DYNC2H1: variants seen among roughly 807,000 people sequenced by gnomAD.
The protein encoded by DYNC2H1 is cytoplasmic dynein 2 heavy chain 1.
In DYNC2H1, 410 loss-of-function variants were observed where a neutral mutation model predicts 570.0. The ratio of observed to expected loss-of-function variants is 0.72; its 90% CI spans 0.66 to 0.78. The LOEUF (loss-of-function observed/expected upper bound fraction) is 0.78. DYNC2H1 is among the 30% of genes least tolerant of loss of function. The probability of loss-of-function intolerance (pLI) is 0.00; values close to 1 mark genes in which losing one functional copy is unlikely to be tolerated. For synonymous variants in DYNC2H1, 1,688 were observed against 1,677.6 expected, an observed-to-expected ratio of 1.01 and a Z score of -0.15; for missense variants, 4,865 against 5,046.4, an observed-to-expected ratio of 0.96 and a Z score of 1.09.
intron 84 of DYNC2H1, among the ~76,000 whole-genome samples, chr11:103,422,319 G>A (rs667417): frequency 0.56 from 84,436 of 152,018 alleles, 24,082 homozygotes; most frequent in East Asian, 0.72. Flanking sequence ...GAAAAGGAAA[G>A]ACTCTTCCCT....
intron 84 of DYNC2H1, chr11:103,407,274 G>A (rs992345299): frequency 6.6e-6 from 1 of 151,794 alleles, no homozygotes; most frequent in African/African-American, 2.4e-5. Context: ...GCATTTTCAG[G>A]GTATGGGCCT....
rs753177918 is a variant in DYNC2H1 at position 103,121,439 on chromosome 11, C to G, written c.1428C>G (p.Gly476=). The G allele has an allele frequency of 6.2e-7, 1 of 1,613,338 alleles. No individual in the cohort carries two copies. Among genetic ancestry groups the G allele is most frequent in the Non-Finnish European group, 8.5e-7 (1 of 1,179,588 alleles). ...GTGATGCATCTGGACCACTTTCTGG[C>G]AAAAATCTTTCAGAAGTTGTCAACA... is the stretch of plus-strand genomic sequence containing the variant. ...IPGDASGPLS[G]KNLSEVVNSI... is the part of the protein sequence containing the mutation. The change falls in exon 10 of 89, where the codon GGC becomes GGG. Residue 476 remains glycine (G), a synonymous_variant. Transcript: ENST00000375735.
At chr11:103,456,219 C>A (rs1464354045) in intron 86 of DYNC2H1, 56 bp from the exon 87 acceptor site, 7 of 1,360,450 alleles carry the variant, frequency 5.1e-6, no homozygotes, top group Non-Finnish European at 7.1e-6. Flanking sequence ...AGTTACTCTT[C>A]ATATTTTAAT....
At chr11:103,348,630 C>G (rs1939880653) in intron 82 of DYNC2H1, among the ~76,000 whole-genome samples, 1 of 152,102 alleles carries the variant, frequency 6.6e-6, no homozygotes, top group South Asian at 2.1e-4. Context: ...ATATTAGGAG[C>G]TTTTCCTTTT....
Position 103,477,253 on chromosome 11 carries a change from C to T in DYNC2H1, c.12766-1842C>T, listed in dbSNP as rs1945579948. Among the ~76,000 whole-genome samples the T allele has an allele frequency of 5.9e-5, 9 of 152,272 alleles. No individual in the cohort carries two copies. The South Asian group carries it at 1.9e-3, about 32-fold the overall frequency. ...TTCATATACTAGAGTGTTTTGTCAACTGTAGTATCTGTGACAACTTTGCCA... is the reference window on the plus strand; with the variant it reads ...TTCATATACTAGAGTGTTTTGTCAATTGTAGTATCTGTGACAACTTTGCCA... On this transcript the variant is annotated intron_variant, in intron 88 of 88. Transcript: ENST00000375735.
At chr11:103,119,705 A>G (rs1179733725) in intron 6 of DYNC2H1, among the ~76,000 whole-genome samples, 2 of 152,116 alleles carry the variant, frequency 1.3e-5, no homozygotes, top group East Asian at 1.9e-4. Context: ...CATGTTGTAC[A>G]TTTTATGTCT....
chr11:103,320,643 A>T (rs1180766461), intron 80 of DYNC2H1, among the ~76,000 whole-genome samples: 3 of 152,334 alleles, frequency 2.0e-5, no homozygotes, highest in African/African-American at 7.2e-5. Flanking sequence ...CAATTTAAGT[A>T]GCCAGGATTG....
Position 103,479,124 on chromosome 11 carries a change from G to C in DYNC2H1, c.12795G>C (p.Glu4265Asp), listed in dbSNP as rs1339553669. The C allele has an allele frequency of 6.2e-7, 1 of 1,613,600 alleles. No individual in the cohort carries two copies. The highest frequency in any genetic ancestry group is 1.3e-5 in the African/African-American group (1 of 74,864). The change falls in exon 89 of 89, where the codon GAG becomes GAC. Residue 4265 changes from glutamate (E) to aspartate (D), a missense_variant. Glu to Asp is a conservative substitution (Grantham distance 45). This residue lies in a region of DYNC2H1 where 2,401 missense variants were observed against 2,454.6 expected (regional missense o/e 0.98). Transcript: ENST00000375735. ...CATGTGGTCCATATTCTCCGGATGA[G>C]TGCATCTCTTTGCCTGTTTACACAA... is the stretch of plus-strand genomic sequence containing the variant. ...QDACGPYSPD[E>D]CISLPVYTSA...
chr11:103,310,401 G>A (rs910822473), intron 78 of DYNC2H1, among the ~76,000 whole-genome samples: 5 of 151,922 alleles, frequency 3.3e-5, no homozygotes, highest in Admixed American at 6.6e-5. Flanking sequence ...TGGCATATTA[G>A]TATTTTTGTT....
chr11:103,426,525 T>TTTA lies in DYNC2H1; in HGVS notation c.12367-9415_12367-9413dup, dbSNP rs569581405. The stretch of plus-strand genomic sequence containing the variant: ...ATTGTCAATAATTTTTAGTTATATT[T>TTTA]TTATTTTACCCTATACAAGTTTAAA... On this transcript the variant is annotated intron_variant, in intron 84 of 88. Coordinates refer to ENST00000375735, the MANE Select transcript of DYNC2H1 (RefSeq NM_001377.3). Among the ~76,000 whole-genome samples the TTTA allele has an allele frequency of 1.5e-3, 227 of 152,348 alleles. 1 individual carries two copies. The highest frequency in any genetic ancestry group is 4.9e-3 in the African/African-American group (204 of 41,580).
In DYNC2H1 at chr11:103,135,479, G is replaced by C. The variant is rs754628541; in HGVS notation, c.2206-16G>C. 1.3e-6 allele frequency: 2 copies of C among 1,486,894 alleles called. No homozygotes were observed. Among genetic ancestry groups the C allele is most frequent in the Admixed American group, 5.0e-5 (2 of 40,196 alleles). The allele number at this position is 1,486,894 out of a possible 1,614,324, so 92.1% of individuals were successfully genotyped here. On this transcript the variant is annotated splice_polypyrimidine_tract_variant and intron_variant, in intron 15 of 88. Coordinates refer to ENST00000375735, the MANE Select transcript of DYNC2H1 (RefSeq NM_001377.3). Reference sequence around the variant, plus strand: ...TGCCTAATTTTTAAATTAAAAATGTGAATGTAACATATTAGGGATTCCAAG... The same window carrying C: ...TGCCTAATTTTTAAATTAAAAATGTCAATGTAACATATTAGGGATTCCAAG...
At chr11:103,412,259 G>A (rs2135690179) in intron 84 of DYNC2H1, among the ~76,000 whole-genome samples, 1 of 152,192 alleles carries the variant, frequency 6.6e-6, no homozygotes, top group Non-Finnish European at 1.5e-5. Context: ...TACTATGTGT[G>A]ACACGATTGG....
intron 70 of DYNC2H1, among the ~76,000 whole-genome samples, chr11:103,274,748 C>A (rs556271029): frequency 6.6e-6 from 1 of 152,240 alleles, no homozygotes; most frequent in East Asian, 1.9e-4. Context: ...TTTTCAGCCA[C>A]ACTTGAACAA....
Position 103,186,648 on chromosome 11 carries a change from T to C in DYNC2H1, c.6893+147T>C. Reference sequence around the variant, plus strand: ...ATTTTATTTTCATTACTTATAAAAATAAGAACTATGGGGAATAGTGTGTCC... The same window carrying C: ...ATTTTATTTTCATTACTTATAAAAACAAGAACTATGGGGAATAGTGTGTCC... On this transcript the variant is annotated intron_variant, in intron 42 of 88. Transcript: ENST00000375735. The surrounding 1 kb of genome is among the most constrained non-coding windows in gnomAD (Gnocchi z 4.5). The C allele has an allele frequency of 8.4e-7, 1 of 1,193,552 alleles. No homozygotes were observed. The highest frequency in any genetic ancestry group is 1.1e-6 in the Non-Finnish European group (1 of 884,310). The allele number at this position is 1,193,552 out of a possible 1,614,324, so 73.9% of individuals were successfully genotyped here. A position where few individuals can be genotyped will look rare whatever the true frequency, so the allele number is the denominator to read the frequency against.
intron 6 of DYNC2H1, among the ~76,000 whole-genome samples, chr11:103,119,519 T>C (rs1447693713): frequency 6.6e-6 from 1 of 152,166 alleles, no homozygotes; most frequent in African/African-American, 2.4e-5. Context: ...TTTGTATTTT[T>C]AGTAGAGATG....
rs1430680464 is a variant in DYNC2H1, at chr11:103,261,223, C to G, written c.10695+1246C>G. Among the ~76,000 whole-genome samples, 1 of 152,178 alleles carries G rather than the reference C, an allele frequency of 6.6e-6. No homozygotes were observed. The highest frequency in any genetic ancestry group is 6.5e-5 in the Admixed American group (1 of 15,278). On this transcript the variant is annotated intron_variant, in intron 70 of 88. Transcript: ENST00000375735. The surrounding 1 kb of genome is among the most constrained non-coding windows in gnomAD (Gnocchi z 4.8). Reference sequence around the variant, plus strand: ...AGGGGCTTATAGATAAAACTCCCATCTCCCTGAGACAGAGCAGCTGGGGGG... The same window carrying G: ...AGGGGCTTATAGATAAAACTCCCATGTCCCTGAGACAGAGCAGCTGGGGGG...
chr11:103,253,469 T>C, intron 66 of DYNC2H1, 21 bp downstream of exon 66: 1 of 1,577,520 alleles, frequency 6.3e-7, no homozygotes, highest in Non-Finnish European at 8.6e-7. Flanking sequence ...ATAATAATAA[T>C]TTACCTTGGA....
chr11:103,110,406 GT>G (rs569893855), intron 1 of DYNC2H1, among the ~76,000 whole-genome samples: 8 of 147,348 alleles, frequency 5.4e-5, no homozygotes, highest in East Asian at 2.0e-4. Context: ...CCCTTTTTGA[GT>G]TTTTTTTTTG....
At chr11:103,431,724 C>T (rs1943900634) in intron 84 of DYNC2H1, among the ~76,000 whole-genome samples, 2 of 152,136 alleles carry the variant, frequency 1.3e-5, no homozygotes, top group African/African-American at 2.4e-5. Context: ...GCATTTTCTG[C>T]ATCCTGTTGA....
Sources: allele counts gnomAD v4.1 joint callset (sites outside exome capture counted in the v4.1 genomes callset), GRCh38; gene constraint gnomAD v4.1.1; regional missense constraint gnomAD v4.1.1; non-coding constraint Gnocchi (gnomAD v3.1); transcripts MANE v1.5; gene names NCBI Gene and HGNC (gene_info 2026-07-23, HGNC 2026-07-21).